Variants in COL4A4 observed in about 807,000 individuals in gnomAD.
COL4A4 encodes the protein collagen type IV alpha 4 chain, also known as collagen alpha-4(IV) chain.
COL4A4 carries 105 observed loss-of-function variants against 192.9 expected under a neutral mutation model. That is an observed-to-expected ratio of 0.54 (90% CI 0.46 to 0.64). The LOEUF is 0.64. Among genes scored for constraint, COL4A4 ranks in the 30% least tolerant of loss-of-function variants. The pLI, the probability that COL4A4 is intolerant of heterozygous loss-of-function variation, is 0.00. For synonymous variants in COL4A4, 762 were observed against 769.9 expected, an observed-to-expected ratio of 0.99 and a Z score of 0.17; for missense variants, 1,967 against 2,169.3, an observed-to-expected ratio of 0.91 and a Z score of 1.85.
intron 21 of COL4A4, among the ~76,000 whole-genome samples, chr2:227,089,588 C>CATATATACATATAT (rs2059785946): frequency 9.8e-6 from 1 of 102,228 alleles, no homozygotes; most frequent in Admixed American, 1.0e-4. Context: ...GCAAATGTTC[C>CATATATACATATAT]ATATATATAT....
At chr2:226,980,524 A>G in the COL4A4 span, among the ~76,000 whole-genome samples, 1 of 152,086 alleles carries the variant, frequency 6.6e-6, no homozygotes, top group Non-Finnish European at 1.5e-5. Context: ...CAGATCTACC[A>G]TCCTGAAGAC....
At chr2:227,118,525 T>C in intron 7 of COL4A4, 120 bp downstream of exon 7, 1 of 798,908 alleles carries the variant, frequency 1.3e-6, no homozygotes, top group Admixed American at 1.8e-5. Flanking sequence ...GCCACTCCCA[T>C]TTGTTGACAA....
At chr2:227,135,951 T>A (rs1395459072) in intron 4 of COL4A4, among the ~76,000 whole-genome samples, 2 of 152,126 alleles carry the variant, frequency 1.3e-5, no homozygotes, top group East Asian at 1.9e-4. Flanking sequence ...GCCCCTGAAT[T>A]TTAGTTTCTT....
At chr2:227,122,962 T>G (rs1452111518) in intron 4 of COL4A4, among the ~76,000 whole-genome samples, 1 of 152,146 alleles carries the variant, frequency 6.6e-6, no homozygotes. Context: ...CCTCCCGAGT[T>G]CAAGTGATCC....
rs570967344 is a variant in COL4A4 at position 227,125,358 on chromosome 2, G to A, written c.193-4210C>T. 7.2e-5 allele frequency among the ~76,000 whole-genome samples: 11 copies of A among 152,022 alleles called. No individual in the cohort carries two copies. In the East Asian group the frequency reaches 1.4e-3, roughly 19 times the overall value. On this transcript the variant is annotated intron_variant, in intron 4 of 47. Coordinates refer to ENST00000396625, the MANE Select transcript of COL4A4 (RefSeq NM_000092.5). The stretch of plus-strand genomic sequence containing the variant: ...CCCGTAGCTGGGACCACAGGCGCGC[G>A]CCATCACACCCGTCTAAATTTTGTA...
At chr2:227,143,977 G>A (rs1172603091) in intron 3 of COL4A4, among the ~76,000 whole-genome samples, 1 of 152,202 alleles carries the variant, frequency 6.6e-6, no homozygotes, top group Non-Finnish European at 1.5e-5. Flanking sequence ...ATTGCATTGG[G>A]TGAATCCAAG....
chr2:227,017,357 T>C (rs1965115235), intron 44 of COL4A4, among the ~76,000 whole-genome samples: 4 of 152,192 alleles, frequency 2.6e-5, no homozygotes, highest in Admixed American at 2.6e-4. Context: ...TGTTCAGAGC[T>C]TTCCACCTTA....
chr2:226,992,688 T>C, the COL4A4 span, among the ~76,000 whole-genome samples: 1 of 152,156 alleles, frequency 6.6e-6, no homozygotes, highest in African/African-American at 2.4e-5. Flanking sequence ...CAGATAGCAG[T>C]GAGCTTCCCA....
Position 227,047,731 on chromosome 2 carries a change from CCACACACA to C in COL4A4, c.3215-190_3215-183del, listed in dbSNP as rs71036155. ...ATAGATGCAAGATGCAATTTACATA[CCACACACA>C]CACACACACACACACACACACACGG... On this transcript the variant is annotated intron_variant, in intron 34 of 47. Transcript: ENST00000396625. Among the ~76,000 whole-genome samples the C allele has an allele frequency of 3.5e-3, 511 of 146,340 alleles. 5 individuals are homozygous for C. The highest frequency in any genetic ancestry group is 0.012 in the African/African-American group (469 of 39,658).
chr2:227,018,124 C>T (rs911835425), intron 44 of COL4A4, among the ~76,000 whole-genome samples: 2 of 152,202 alleles, frequency 1.3e-5, no homozygotes, highest in Non-Finnish European at 2.9e-5. Flanking sequence ...CCCAACCTTT[C>T]CTTAAGGCTC....
intron 26 of COL4A4, among the ~76,000 whole-genome samples, chr2:227,062,150 A>G (rs1179859835): frequency 1.3e-5 from 2 of 152,032 alleles, no homozygotes; most frequent in East Asian, 3.9e-4. Context: ...AGGCGGAAGA[A>G]TCATTGAACC....
intron 42 of COL4A4, among the ~76,000 whole-genome samples, chr2:227,027,296 C>CT (rs1203183854): frequency 8.3e-4 from 119 of 143,564 alleles, no homozygotes; most frequent in Middle Eastern, 3.5e-3. Context: ...AAATGAACTC[C>CT]TTTTTTTTTT....
At chr2:227,007,978 A>T (rs1026259338) in intron 47 of COL4A4, 40 bp downstream of exon 47, 5 of 1,600,004 alleles carry the variant, frequency 3.1e-6, no homozygotes, top group East Asian at 4.5e-5. Flanking sequence ...GTGTTAGGAA[A>T]TGGTGAATGA....
chr2:227,022,631 T>C (rs1418290841), intron 43 of COL4A4: 6 of 498,770 alleles, frequency 1.2e-5, no homozygotes, highest in Admixed American at 8.4e-5. Context: ...TGGGTTTCCA[T>C]AGTGTCAGTC....
intron 44 of COL4A4, among the ~76,000 whole-genome samples, chr2:227,014,763 T>C (rs1220841432): frequency 6.6e-6 from 1 of 152,086 alleles, no homozygotes; most frequent in Non-Finnish European, 1.5e-5. Flanking sequence ...CTGGCTGGAG[T>C]GGAGTGGCAC....
At chr2:227,133,366 A>G (rs2062608732) in intron 4 of COL4A4, among the ~76,000 whole-genome samples, 1 of 152,244 alleles carries the variant, frequency 6.6e-6, no homozygotes, top group Non-Finnish European at 1.5e-5. Flanking sequence ...TCTACAGTGT[A>G]GTAGGCAGAT....
At chr2:227,081,585 A>G (rs994443840) in intron 23 of COL4A4, among the ~76,000 whole-genome samples, 1 of 152,162 alleles carries the variant, frequency 6.6e-6, no homozygotes, top group African/African-American at 2.4e-5. Flanking sequence ...GCTTGCAGAC[A>G]GCCTGTAGTG....
At chr2:227,105,931 A>G (rs1226129970) in intron 12 of COL4A4, among the ~76,000 whole-genome samples, 1 of 152,158 alleles carries the variant, frequency 6.6e-6, no homozygotes. Flanking sequence ...AATAGATAAT[A>G]TACATAAAAT....
intron 1 of COL4A4, among the ~76,000 whole-genome samples, chr2:227,150,886 C>T (rs928434581): frequency 6.9e-5 from 10 of 143,958 alleles, no homozygotes; most frequent in African/African-American, 2.5e-4. Flanking sequence ...GACACAGAGC[C>T]AAACCATATC....
Sources: allele counts gnomAD v4.1 joint callset (sites outside exome capture counted in the v4.1 genomes callset), GRCh38; gene constraint gnomAD v4.1.1; transcripts MANE v1.5; gene names NCBI Gene and HGNC (gene_info 2026-07-23, HGNC 2026-07-21).